DEPDC1: variants seen among roughly 807,000 people sequenced by gnomAD.
The protein encoded by DEPDC1 is DEP domain containing 1, also known as DEP domain-containing protein 1A.
In DEPDC1, 66 loss-of-function variants were observed where a neutral mutation model predicts 86.8. The ratio of observed to expected loss-of-function variants is 0.76; its 90% CI spans 0.62 to 0.93. The LOEUF is 0.93. Among genes scored for constraint, DEPDC1 ranks in the 40% least tolerant of loss-of-function variants. DEPDC1 has a pLI of 0.00. For synonymous variants in DEPDC1, 255 were observed against 314.9 expected (o/e 0.81, Z 2.02); for missense variants, 792 against 935.7 (o/e 0.85, Z 2.00).
At position 68,496,894 on chromosome 1, in the gene DEPDC1, G is replaced by A; in HGVS notation, c.48+58C>T. ...CTGCGAACGGTCGAGGTAAAACTGC[G>A]AACAGTGGTGACTGCCGTCAGCCCG... On this transcript the variant is annotated intron_variant, in intron 1 of 11. Coordinates refer to ENST00000456315, the MANE Select transcript of DEPDC1 (RefSeq NM_001114120.3). The surrounding 1 kb of genome is among the most constrained non-coding windows in gnomAD (Gnocchi z 4.0). The A allele has an allele frequency of 6.4e-7, 1 of 1,571,698 alleles. No individual in the cohort carries two copies. Among genetic ancestry groups the A allele is most frequent in the South Asian group, 1.1e-5 (1 of 89,406 alleles).
Position 68,486,966 on chromosome 1 carries a change from A to G in DEPDC1, c.740T>C (p.Val247Ala). The G allele has an allele frequency of 1.9e-6, 3 of 1,604,154 alleles. No individual in the cohort carries two copies. Among genetic ancestry groups the G allele is most frequent in the Non-Finnish European group, 2.6e-6 (3 of 1,175,948 alleles). ...QNKSDDLPHW[V>A]LSAMKCLANW... Reference sequence around the variant, plus strand: ...TGCTAGGCACTTCATGGCAGATAATACCCAGTGAGGGAGGTCATCTACACA... The same window carrying G: ...TGCTAGGCACTTCATGGCAGATAATGCCCAGTGAGGGAGGTCATCTACACA... The change falls in exon 6 of 12, where the codon GTA becomes GCA. Residue 247 changes from valine (V) to alanine (A), a missense_variant. Coordinates refer to ENST00000456315, the MANE Select transcript of DEPDC1 (RefSeq NM_001114120.3).
Position 68,482,800 on chromosome 1 carries a change from C to T in DEPDC1, c.1008G>A (p.Leu336=). The change falls in exon 8 of 12, where the codon TTG becomes TTA. Residue 336 remains leucine, a synonymous_variant. Transcript: ENST00000456315. ...QSSKFLHLNN[L]NSFKSTECLL... is the part of the protein sequence containing the mutation. ...GGCACTCAGTTGATTTGAAGGAATT[C>T]AAATTGTTTAAGTGAAGGAATTTTG... 6.2e-7 allele frequency: 1 copy of T among 1,612,272 alleles called. No individual in the cohort carries two copies. The highest frequency in any genetic ancestry group is 1.1e-5 in the South Asian group (1 of 90,928).
At chr1:68,488,701 A>C (rs1001954403) in intron 4 of DEPDC1, among the ~76,000 whole-genome samples, 197 bp from the exon 5 acceptor site, 2 of 151,822 alleles carry the variant, frequency 1.3e-5, no homozygotes, top group Non-Finnish European at 3.0e-5. Flanking sequence ...CTATGGCCAT[A>C]ATGTTGATTC....
In DEPDC1 at chr1:68,496,074, C is replaced by G. The variant is rs1005017472; in HGVS notation, c.48+878G>C. On this transcript the variant is annotated intron_variant, in intron 1 of 11. Coordinates refer to ENST00000456315, the MANE Select transcript of DEPDC1 (RefSeq NM_001114120.3). This position sits in a 1 kb window ranked among gnomAD's most constrained non-coding sequence, Gnocchi z 4.0. Reference sequence around the variant, plus strand: ...ATCTGAATTCTAGCTCTGCCACTTGCTGTTGATGTGACTCTAGAGGGCATT... The same window carrying G: ...ATCTGAATTCTAGCTCTGCCACTTGGTGTTGATGTGACTCTAGAGGGCATT... Among the ~76,000 whole-genome samples, 2 of 152,154 alleles carry G rather than the reference C, an allele frequency of 1.3e-5. No homozygotes were observed. The highest frequency in any genetic ancestry group is 4.8e-5 in the African/African-American group (2 of 41,444).
At chr1:68,478,022 T>A in intron 10 of DEPDC1, 50 bp from the exon 11 acceptor site, 3 of 1,291,810 alleles carry the variant, frequency 2.3e-6, no homozygotes, top group Non-Finnish European at 3.1e-6. Context: ...CATGTTCTTA[T>A]ATGATAAAGT....
intron 9 of DEPDC1, among the ~76,000 whole-genome samples, chr1:68,480,649 T>G (rs999506094): frequency 6.6e-6 from 1 of 151,992 alleles, no homozygotes; most frequent in Non-Finnish European, 1.5e-5. Context: ...AATTATCACC[T>G]TCCCAGTCAT....
chr1:68,488,827 G>A, intron 4 of DEPDC1, 89 bp downstream of exon 4: 2 of 898,678 alleles, frequency 2.2e-6, no homozygotes, highest in Non-Finnish European at 3.7e-6. Flanking sequence ...GAATTAATCT[G>A]TTCTGATTCA....
rs1365233820 is a variant in DEPDC1, at chr1:68,474,774, ATTCC to A, written c.*2154_*2157del. On this transcript the variant is annotated 3_prime_UTR_variant, in exon 12 of 12. Transcript: ENST00000456315. ...AGGCGAAGCCCTTCTGAAGATATCCATTCCTTCCTTCCTCATCAAATTTTCCTTC... is the reference window on the plus strand; with the variant it reads ...AGGCGAAGCCCTTCTGAAGATATCCATTCCTTCCTCATCAAATTTTCCTTC... 2 of 152,054 alleles carry A rather than the reference ATTCC, an allele frequency of 1.3e-5. No homozygotes were observed. The highest frequency in any genetic ancestry group is 2.9e-5 in the Non-Finnish European group (2 of 67,958). 9.4% of individuals were successfully genotyped at this position (152,054 alleles called of 1,614,324 possible). A position where few individuals can be genotyped will look rare whatever the true frequency, so the allele number is the denominator to read the frequency against.
Position 68,489,443 on chromosome 1 carries a change from A to T in DEPDC1, c.471+9T>A. The T allele has an allele frequency of 6.8e-7, 1 of 1,468,376 alleles. No homozygotes were observed. 91.0% of individuals were successfully genotyped at this position (1,468,376 alleles called of 1,614,324 possible). A position where few individuals can be genotyped will look rare whatever the true frequency, so the allele number is the denominator to read the frequency against. ...ATTTAAACTAGTAATTAGTAAAAGG[A>T]TGTGTTACCTGAGATAAATGTAATC... On this transcript the variant is annotated intron_variant, in intron 3 of 11. Coordinates refer to ENST00000456315, the MANE Select transcript of DEPDC1 (RefSeq NM_001114120.3).
At position 68,482,315 on chromosome 1, in the gene DEPDC1, C is replaced by T. The variant is rs762798936; in HGVS notation, c.1493G>A (p.Cys498Tyr). 3.7e-6 allele frequency: 6 copies of T among 1,612,882 alleles called. No individual in the cohort carries two copies. In the Admixed American group the frequency reaches 1.0e-4, roughly 27 times the overall value. The change falls in exon 8 of 12, where the codon TGT becomes TAT. Residue 498 changes from cysteine to tyrosine, a missense_variant. Coordinates refer to ENST00000456315, the MANE Select transcript of DEPDC1 (RefSeq NM_001114120.3). ...CTGTTTTGACTTGCATTTCCCATTA[C>T]ACAACTCCTCTTGGTCTTGAACAGT... is the stretch of plus-strand genomic sequence containing the variant. The part of the protein sequence containing the change: ...TLTVQDQEEL[C>Y]NGKCKSKQLC...
rs758399358 is a variant in DEPDC1, at chr1:68,496,617, C to T, written c.48+335G>A. On this transcript the variant is annotated intron_variant, in intron 1 of 11. Coordinates refer to ENST00000456315, the MANE Select transcript of DEPDC1 (RefSeq NM_001114120.3). The surrounding 1 kb of genome is among the most constrained non-coding windows in gnomAD (Gnocchi z 4.0). ...ATTCTGAGGCGGGTAGAAAATCAGG[C>T]GAGGTGAGCGGCCAAATCGGAATAT... 3 of 280,656 alleles carry T rather than the reference C, an allele frequency of 1.1e-5. No individual in the cohort carries two copies. Among genetic ancestry groups the T allele is most frequent in the Non-Finnish European group, 2.0e-5 (3 of 150,906 alleles). The allele number at this position is 280,656 out of a possible 1,614,324, so 17.4% of individuals were successfully genotyped here.
chr1:68,489,761 T>TA (rs35268401), intron 2 of DEPDC1, among the ~76,000 whole-genome samples, 153 bp from the exon 3 acceptor site: 4 of 151,570 alleles, frequency 2.6e-5, no homozygotes, highest in Non-Finnish European at 4.4e-5. Flanking sequence ...ATTAAACCTT[T>TA]AAAAAAAATA....
Position 68,482,117 on chromosome 1 carries a change from A to T in DEPDC1, c.1691T>A (p.Leu564His), listed in dbSNP as rs1646160476. ...TGAAAGTTCTATTGTACTTTTGCAG[A>T]GTCTTTTATTGATTGTGGCACTAGA... ...GESSATINKR[L>H]CKSTIELSEN... Residue 564 changes from leucine (L) to histidine (H), a missense_variant, in exon 8 of 12, where the codon CTC becomes CAC. Coordinates refer to ENST00000456315, the MANE Select transcript of DEPDC1 (RefSeq NM_001114120.3). 1 of 1,610,184 alleles carries T rather than the reference A, an allele frequency of 6.2e-7. No homozygotes were observed. The highest frequency in any genetic ancestry group is 1.1e-5 in the South Asian group (1 of 90,270).
At chr1:68,486,861 T>C in intron 6 of DEPDC1, 76 bp downstream of exon 6, 1 of 1,305,086 alleles carries the variant, frequency 7.7e-7, no homozygotes, top group Non-Finnish European at 9.9e-7. Context: ...TCCTTGGTTC[T>C]TGTTAAATAC....
chr1:68,484,836 C>T (rs1268071536), intron 6 of DEPDC1, among the ~76,000 whole-genome samples: 1 of 151,700 alleles, frequency 6.6e-6, no homozygotes, highest in Non-Finnish European at 1.5e-5. Flanking sequence ...TCCATGAAGG[C>T]GGGGCCAGAA....
At chr1:68,491,979 A>T (rs1646232204) in intron 2 of DEPDC1, among the ~76,000 whole-genome samples, 1 of 149,766 alleles carries the variant, frequency 6.7e-6, no homozygotes, top group South Asian at 2.1e-4. Flanking sequence ...CTGGTCTCGA[A>T]CTCCTGGGTT....
In DEPDC1 at chr1:68,481,563, T is replaced by C; in HGVS notation, c.1812A>G (p.Leu604=). The C allele has an allele frequency of 2.5e-6, 4 of 1,611,408 alleles. No individual in the cohort carries two copies. Among genetic ancestry groups the C allele is most frequent in the Non-Finnish European group, 3.4e-6 (4 of 1,178,550 alleles). Residue 604 remains leucine, a synonymous_variant, in exon 9 of 12, where the codon TTA becomes TTG. Transcript: ENST00000456315. ...TTGGTGGGGGAAGTAACAAACAACA[T>C]AACTGTAGAGCATCGATGGCAACCC... ...LERVAIDALQ[L]CCLLLPPPNR... is the part of the protein sequence containing the mutation.
rs1646137581 is a variant in DEPDC1, at chr1:68,479,224, G to A, written c.2032C>T (p.His678Tyr). The stretch of plus-strand genomic sequence containing the variant: ...GGTACTTGAAGAATTTCCTGATGAT[G>A]ATCCATTAAGAAAGAAACTAATCTT... ...AGRLVSFLMD[H>Y]HQEILQVPSY... Residue 678 changes from histidine (H) to tyrosine (Y), a missense_variant, in exon 10 of 12, where the codon CAT (histidine) becomes TAT (tyrosine). Physicochemically the swap from His to Tyr is moderately conservative, Grantham distance 83. Coordinates refer to ENST00000456315, the MANE Select transcript of DEPDC1 (RefSeq NM_001114120.3). 2 of 1,612,222 alleles carry A rather than the reference G, an allele frequency of 1.2e-6. No homozygotes were observed. Among genetic ancestry groups the A allele is most frequent in the Non-Finnish European group, 1.7e-6 (2 of 1,179,182 alleles).
At chr1:68,485,107 CT>C (rs1405304307) in intron 6 of DEPDC1, among the ~76,000 whole-genome samples, 1 of 151,576 alleles carries the variant, frequency 6.6e-6, no homozygotes, top group Non-Finnish European at 1.5e-5. Flanking sequence ...TGTTTCCAAA[CT>C]TTTGTATGGA....
Sources: gnomAD v4.1 joint callset for allele counts (sites outside exome capture counted in the v4.1 genomes callset) on GRCh38, gnomAD v4.1.1 for gene constraint, Gnocchi (gnomAD v3.1) non-coding constraint, MANE v1.5 for transcripts, NCBI Gene and HGNC (gene_info 2026-07-23, HGNC 2026-07-21) for gene names.